CDC20B: variants seen among roughly 807,000 people sequenced by gnomAD.
CDC20B encodes cell division cycle 20B.
Under a neutral mutation model 64.1 loss-of-function variants are expected in CDC20B, and 58 were observed. The ratio of observed to expected loss-of-function variants is 0.90; its 90% CI spans 0.73 to 1.13. The LOEUF (loss-of-function observed/expected upper bound fraction) is 1.13, where lower values mean the gene tolerates loss of function less well. Ranked by LOEUF, CDC20B falls within the 50% of genes most tolerant of loss-of-function variation. The pLI, the probability that CDC20B is intolerant of heterozygous loss-of-function variation, is 0.00. For missense variants in CDC20B, 597 were observed against 633.0 expected (o/e 0.94, Z 0.61); for synonymous variants, 243 against 230.6 (o/e 1.05, Z -0.49).
chr5:55,121,489 G>A (rs895222484), intron 9 of CDC20B, among the ~76,000 whole-genome samples: 3 of 152,002 alleles, frequency 2.0e-5, no homozygotes, highest in Non-Finnish European at 4.4e-5. Flanking sequence ...ATTGGGTTGG[G>A]TTAATTTTTT....
At chr5:55,158,880 C>T (rs1008666565) in intron 2 of CDC20B, among the ~76,000 whole-genome samples, 18 of 152,114 alleles carry the variant, frequency 1.2e-4, no homozygotes, top group African/African-American at 3.1e-4. Flanking sequence ...AGAGAAAAAA[C>T]GAAGCAATTA....
intron 8 of CDC20B, among the ~76,000 whole-genome samples, chr5:55,125,326 A>G (rs1356600816): frequency 6.6e-6 from 1 of 152,248 alleles, no homozygotes; most frequent in Non-Finnish European, 1.5e-5. Flanking sequence ...TGAGAAGATT[A>G]CCAGATTTTC....
In CDC20B at chr5:55,140,334, T is replaced by G. The variant is rs763165516; in HGVS notation, c.560A>C (p.Gln187Pro). Reference protein sequence around the residue: ...QANGKMQLCEQSECVWKGCKD... With the variant: ...QANGKMQLCEPSECVWKGCKD... Reference sequence around the variant, plus strand: ...TGTACCTTTCCAAACACATTCGGATTGCTCACAGAGCTGCATTTTTCCATT... The same window carrying G: ...TGTACCTTTCCAAACACATTCGGATGGCTCACAGAGCTGCATTTTTCCATT... The change falls in exon 5 of 12, where the codon CAA becomes CCA. Residue 187 changes from glutamine (Q) to proline (P), a missense_variant. By Grantham distance (76) the Gln-to-Pro change is moderately conservative. Transcript: ENST00000381375. 1 of 1,612,728 alleles carries G rather than the reference T, an allele frequency of 6.2e-7. No homozygotes were observed. The highest frequency in any genetic ancestry group is 8.5e-7 in the Non-Finnish European group (1 of 1,179,222).
chr5:55,149,166 G>A (rs1319422801), intron 2 of CDC20B, among the ~76,000 whole-genome samples: 1 of 152,168 alleles, frequency 6.6e-6, no homozygotes, highest in Non-Finnish European at 1.5e-5. Context: ...CCACACCAAA[G>A]CACCACTTCA....
chr5:55,127,549 T>A (rs554136308), intron 7 of CDC20B, among the ~76,000 whole-genome samples, 198 bp from the exon 8 acceptor site: 2 of 152,322 alleles, frequency 1.3e-5, no homozygotes, highest in South Asian at 4.1e-4. Flanking sequence ...TGGATGCTGA[T>A]TTAGTTGGTA....
chr5:55,139,325 C>T (rs551056751), intron 5 of CDC20B, among the ~76,000 whole-genome samples: 27 of 152,236 alleles, frequency 1.8e-4, no homozygotes, highest in African/African-American at 5.8e-4. Context: ...AAGAGCACAA[C>T]ATAGCTGCCC....
intron 10 of CDC20B, 109 bp downstream of exon 10, chr5:55,120,315 TG>T: frequency 1.6e-6 from 2 of 1,238,088 alleles, no homozygotes; most frequent in Non-Finnish European, 2.3e-6. Context: ...AAATTCCTTA[TG>T]GACTCAATAG....
chr5:55,133,699 C>A (rs1743086407), intron 5 of CDC20B, among the ~76,000 whole-genome samples, 171 bp from the exon 6 acceptor site: 1 of 152,080 alleles, frequency 6.6e-6, no homozygotes, highest in Admixed American at 6.5e-5. Flanking sequence ...AAATGAAGAG[C>A]ACTTCAGTAT....
At chr5:55,168,980 A>G (rs896231990) in intron 2 of CDC20B, among the ~76,000 whole-genome samples, 2 of 152,132 alleles carry the variant, frequency 1.3e-5, no homozygotes, top group African/African-American at 4.8e-5. Context: ...AAAATAAAAT[A>G]AAGTTGGCAT....
intron 3 of CDC20B, 139 bp downstream of exon 3, chr5:55,146,489 A>G (rs1743477991): frequency 6.4e-6 from 4 of 624,542 alleles, no homozygotes; most frequent in Non-Finnish European, 1.1e-5. Context: ...CACCTTGGAA[A>G]TTTCTTATTC....
chr5:55,168,237 G>C (rs994243300), intron 2 of CDC20B, among the ~76,000 whole-genome samples: 6 of 152,124 alleles, frequency 3.9e-5, no homozygotes, highest in African/African-American at 1.2e-4. Flanking sequence ...GCAGCAGAGA[G>C]AGAGAAATTA....
chr5:55,170,132 A>C (rs557179674), intron 2 of CDC20B, among the ~76,000 whole-genome samples: 4 of 152,138 alleles, frequency 2.6e-5, no homozygotes, highest in African/African-American at 9.6e-5. Flanking sequence ...AAAAGAAAGA[A>C]ACTAATAATG....
At chr5:55,124,760 C>T (rs1478981891) in intron 9 of CDC20B, 43 bp downstream of exon 9, 1 of 1,510,932 alleles carries the variant, frequency 6.6e-7, no homozygotes, top group Non-Finnish European at 9.2e-7. Context: ...TACCCAGTGG[C>T]CTCTGAGTAA....
intron 2 of CDC20B, among the ~76,000 whole-genome samples, chr5:55,159,579 G>T (rs1020198497): frequency 6.6e-6 from 1 of 152,146 alleles, no homozygotes; most frequent in Non-Finnish European, 1.5e-5. Flanking sequence ...CACCTTCACT[G>T]TTTTTAACAT....
chr5:55,136,788 C>A (rs1487326350), intron 5 of CDC20B: 5 of 152,088 alleles, frequency 3.3e-5, no homozygotes, highest in Non-Finnish European at 7.3e-5. Context: ...AATTCTGGCT[C>A]CCAAACAATT....
intron 10 of CDC20B, 52 bp downstream of exon 10, chr5:55,120,373 C>A: frequency 6.2e-7 from 1 of 1,607,530 alleles, no homozygotes; most frequent in Admixed American, 1.7e-5. Flanking sequence ...AAACTATTTT[C>A]ACAAGATTCC....
intron 4 of CDC20B, among the ~76,000 whole-genome samples, chr5:55,142,603 A>G (rs1743359318): frequency 6.6e-6 from 1 of 152,132 alleles, no homozygotes; most frequent in Admixed American, 6.5e-5. Flanking sequence ...CAGGAGTGTC[A>G]ATAATCTGGC....
chr5:55,128,327 G>T, intron 7 of CDC20B, 94 bp downstream of exon 7: 2 of 921,714 alleles, frequency 2.2e-6, no homozygotes. Context: ...GCCACACCTA[G>T]TTTCTCTATT....
rs548307034 is a variant in CDC20B, at chr5:55,114,573, T to C, written c.1460-255A>G. 6.6e-6 allele frequency among the ~76,000 whole-genome samples: 1 copy of C among 152,258 alleles called. No individual in the cohort carries two copies. Among genetic ancestry groups the C allele is most frequent in the South Asian group, 2.1e-4 (1 of 4,826 alleles). ...GGCTGCCATAACAAATTACCACCCA[T>C]TGGGTGGCTTAAAACAACAGAAATT... On this transcript the variant is annotated intron_variant, in intron 11 of 11. Transcript: ENST00000381375. The surrounding 1 kb of genome is among the most constrained non-coding windows in gnomAD (Gnocchi z 4.1).
Sources: gnomAD v4.1 joint callset for allele counts (sites outside exome capture counted in the v4.1 genomes callset) on GRCh38, gnomAD v4.1.1 for gene constraint, Gnocchi (gnomAD v3.1) non-coding constraint, MANE v1.5 for transcripts, NCBI Gene and HGNC (gene_info 2026-07-23, HGNC 2026-07-21) for gene names.